Variants in COL23A1 observed in about 807,000 individuals in gnomAD.
The protein encoded by COL23A1 is collagen alpha-1(XXIII) chain.
COL23A1 carries 97 observed loss-of-function variants against 99.3 expected under a neutral mutation model. The ratio of observed to expected loss-of-function variants is 0.98; its 90% CI spans 0.83 to 1.16. The LOEUF is 1.16. COL23A1 is among the 50% of genes most tolerant of loss of function. The pLI, the probability that COL23A1 is intolerant of heterozygous loss-of-function variation, is 0.00. For synonymous variants in COL23A1, 320 were observed against 308.2 expected, an observed-to-expected ratio of 1.04 and a Z score of -0.40; for missense variants, 762 against 757.4, an observed-to-expected ratio of 1.01 and a Z score of -0.07.
intron 3 of COL23A1, among the ~76,000 whole-genome samples, chr5:178,290,791 G>A (rs1757416264): frequency 6.6e-6 from 1 of 152,212 alleles, no homozygotes; most frequent in Non-Finnish European, 1.5e-5. Flanking sequence ...AATGGCAAAT[G>A]GGTGTGGCTG....
intron 5 of COL23A1, among the ~76,000 whole-genome samples, chr5:178,279,208 C>G (rs995848466): frequency 6.6e-6 from 1 of 152,230 alleles, no homozygotes; most frequent in African/African-American, 2.4e-5. Flanking sequence ...CAACCTCTTC[C>G]TCCTGAGCGC....
intron 2 of COL23A1, among the ~76,000 whole-genome samples, chr5:178,316,679 T>A (rs1169578786): frequency 1.3e-5 from 2 of 152,202 alleles, no homozygotes. Context: ...TAACTAGAAT[T>A]ATAGTAAGGA....
rs138878527 is a variant in COL23A1 at position 178,368,856 on chromosome 5, T to C, written c.362-61937A>G. ...GGTCACGGACTTGCTTTCCCCCTCC[T>C]GACTGATTCCTGCTGGCTCCAGGGC... On this transcript the variant is annotated intron_variant, in intron 2 of 28. Coordinates refer to ENST00000390654, the MANE Select transcript of COL23A1 (RefSeq NM_173465.4). Among the ~76,000 whole-genome samples the C allele has an allele frequency of 3.6e-4, 55 of 152,372 alleles. No homozygotes were observed. The East Asian group carries it at 9.4e-3, about 26-fold the overall frequency.
chr5:178,476,066 T>C (rs542479072), intron 2 of COL23A1, among the ~76,000 whole-genome samples: 1 of 152,330 alleles, frequency 6.6e-6, no homozygotes, highest in South Asian at 2.1e-4. Flanking sequence ...AGTGACTCCA[T>C]CTTGGACGCT....
At chr5:178,250,225 T>A in intron 17 of COL23A1, 120 bp from the exon 18 acceptor site, 1 of 1,111,668 alleles carries the variant, frequency 9.0e-7, no homozygotes, top group Non-Finnish European at 1.3e-6. Context: ...GTTGGACCTC[T>A]AGCTGTGCCA....
intron 5 of COL23A1, among the ~76,000 whole-genome samples, chr5:178,285,051 A>G (rs1010548244): frequency 2.0e-5 from 3 of 152,160 alleles, no homozygotes; most frequent in Admixed American, 6.5e-5. Flanking sequence ...CATCCTCGGG[A>G]GCAGAGAGGA....
chr5:178,341,510 T>G (rs1296556225), intron 2 of COL23A1, among the ~76,000 whole-genome samples: 1 of 152,102 alleles, frequency 6.6e-6, no homozygotes, highest in Non-Finnish European at 1.5e-5. Flanking sequence ...CCAGTGAAGG[T>G]TTTGTTTTCA....
intron 2 of COL23A1, chr5:178,345,166 G>A (rs941098412): frequency 4.3e-6 from 3 of 689,656 alleles, no homozygotes; most frequent in African/African-American, 3.6e-5. Context: ...CTGATGGCCT[G>A]GGTCACGTAG....
chr5:178,289,677 T>C (rs1426200596), intron 4 of COL23A1, among the ~76,000 whole-genome samples: 1 of 152,168 alleles, frequency 6.6e-6, no homozygotes, highest in Non-Finnish European at 1.5e-5. Flanking sequence ...CACTGAAGCA[T>C]TTAGAAACGT....
Position 178,249,264 on chromosome 5 carries a change from C to T in COL23A1, c.1060-58G>A, listed in dbSNP as rs1190347695. 10 of 1,517,440 alleles carry T rather than the reference C, an allele frequency of 6.6e-6. No homozygotes were observed. In the African/African-American group the frequency reaches 8.2e-5, roughly 12 times the overall value. 94.0% of individuals were successfully genotyped at this position (1,517,440 alleles called of 1,614,324 possible). ...CTCAGGAGGTCCCCTCCCTTCTCCCCCCAGCAGGTCCCCAGAGCTTAGTTC... is the reference window on the plus strand; with the variant it reads ...CTCAGGAGGTCCCCTCCCTTCTCCCTCCAGCAGGTCCCCAGAGCTTAGTTC... On this transcript the variant is annotated intron_variant, in intron 18 of 28. Transcript: ENST00000390654.
chr5:178,255,351 A>T lies in COL23A1; in HGVS notation c.883-325T>A, dbSNP rs890314875. On this transcript the variant is annotated intron_variant, in intron 15 of 28. Coordinates refer to ENST00000390654, the MANE Select transcript of COL23A1 (RefSeq NM_173465.4). The surrounding 1 kb of genome is among the most constrained non-coding windows in gnomAD (Gnocchi z 4.2). ...TCAGATTTTTCAATGTTGGCAACAAACAGAAAAGCCCCAAACCCTCCAAAA... is the reference window on the plus strand; with the variant it reads ...TCAGATTTTTCAATGTTGGCAACAATCAGAAAAGCCCCAAACCCTCCAAAA... Among the ~76,000 whole-genome samples the T allele has an allele frequency of 1.3e-5, 2 of 152,198 alleles. No homozygotes were observed. Among genetic ancestry groups the T allele is most frequent in the African/African-American group, 4.8e-5 (2 of 41,448 alleles).
intron 2 of COL23A1, among the ~76,000 whole-genome samples, chr5:178,480,217 A>C (rs951474605): frequency 2.0e-5 from 3 of 152,072 alleles, no homozygotes; most frequent in African/African-American, 7.2e-5. Context: ...AGTTGATGAT[A>C]ATTGTTGAAG....
chr5:178,247,647 CT>C, intron 21 of COL23A1, 95 bp from the exon 22 acceptor site: 1 of 1,572,606 alleles, frequency 6.4e-7, no homozygotes, highest in Non-Finnish European at 8.7e-7. Context: ...GCTCTGCCCT[CT>C]GCCCATGTGC....
intron 2 of COL23A1, among the ~76,000 whole-genome samples, chr5:178,555,365 A>G (rs1389635866): frequency 6.6e-6 from 1 of 152,184 alleles, no homozygotes; most frequent in Non-Finnish European, 1.5e-5. Flanking sequence ...CTTTCGGGAA[A>G]GAACAGTGCT....
intron 2 of COL23A1, among the ~76,000 whole-genome samples, chr5:178,486,226 A>T (rs1757618610): frequency 6.6e-6 from 1 of 152,234 alleles, no homozygotes. Flanking sequence ...GGAGTGTTCG[A>T]CAAGATTCAG....
chr5:178,478,128 C>G (rs540128379), intron 2 of COL23A1, among the ~76,000 whole-genome samples: 1 of 152,114 alleles, frequency 6.6e-6, no homozygotes, highest in African/African-American at 2.4e-5. Context: ...ACAGTGCCTG[C>G]GGGCCCCCGA....
chr5:178,542,960 CACAG>C (rs1370848572), intron 2 of COL23A1, among the ~76,000 whole-genome samples: 1 of 152,210 alleles, frequency 6.6e-6, no homozygotes, highest in South Asian at 2.1e-4. Context: ...TCTGACAGAA[CACAG>C]ACTACACTCA....
intron 2 of COL23A1, among the ~76,000 whole-genome samples, chr5:178,424,158 C>T (rs1561959404): frequency 6.6e-6 from 1 of 152,218 alleles, no homozygotes; most frequent in Admixed American, 6.5e-5. Context: ...AATCAAGCAG[C>T]CTCCCTTGCA....
intron 2 of COL23A1, among the ~76,000 whole-genome samples, chr5:178,490,624 A>C (rs1311611973): frequency 6.6e-6 from 1 of 152,176 alleles, no homozygotes. Flanking sequence ...AATCTTTAAA[A>C]AAATTAGCCA....
Sources: gnomAD v4.1 joint callset for allele counts (sites outside exome capture counted in the v4.1 genomes callset) on GRCh38, gnomAD v4.1.1 for gene constraint, Gnocchi (gnomAD v3.1) non-coding constraint, MANE v1.5 for transcripts, NCBI Gene and HGNC (gene_info 2026-07-23, HGNC 2026-07-21) for gene names.